The following ZNF728 variants were observed in gnomAD, a reference collection of about 807,000 sequenced individuals.
The protein encoded by ZNF728 is zinc finger protein 728.
A neutral mutation model predicts 12.5 loss-of-function variants in ZNF728; 12 were observed. That is an observed-to-expected ratio of 0.96 (90% CI 0.61 to 1.55). The LOEUF is 1.55. ZNF728 is among the 40% of genes most tolerant of loss of function. The pLI, the probability that ZNF728 is intolerant of heterozygous loss-of-function variation, is 0.00. For missense variants in ZNF728, 692 were observed against 719.2 expected (o/e 0.96, Z 0.43); for synonymous variants, 205 against 240.7 (o/e 0.85, Z 1.37).
At chr19:22,986,455 T>C (rs916806697) in intron 3 of ZNF728, among the ~76,000 whole-genome samples, 3 of 152,140 alleles carry the variant, frequency 2.0e-5, no homozygotes, top group African/African-American at 7.2e-5. Flanking sequence ...TATGATTCCA[T>C]ACACTTAAAC....
chr19:22,989,048 T>C (rs1206282163), intron 1 of ZNF728, among the ~76,000 whole-genome samples: 1 of 73,844 alleles, frequency 1.4e-5, no homozygotes, highest in Non-Finnish European at 2.2e-5. Context: ...CGAAACTCCA[T>C]CTCAAAAAAA....
intron 1 of ZNF728, among the ~76,000 whole-genome samples, chr19:22,989,289 T>C (rs776826222): frequency 3.2e-4 from 48 of 152,100 alleles, no homozygotes; most frequent in African/African-American, 1.1e-3. Context: ...AGTATGCCAA[T>C]GGTTTTGGCC....
rs1405038365 is a variant in ZNF728, at chr19:22,976,809, T to C, written c.528A>G (p.Lys176=). Residue 176 remains lysine, a synonymous_variant, in exon 4 of 4, where the codon AAA becomes AAG. Coordinates refer to ENST00000594710, the MANE Select transcript of ZNF728 (RefSeq NM_001267716.2). The stretch of plus-strand genomic sequence containing the variant: ...GCATGCAAAATGATCTGACATATTC[T>C]TTACATTTCAAAAGTTTCTTTCCAG... The part of the protein sequence containing the change: ...RHTGKKLLKC[K]EYVRSFCMLS... 2 of 1,613,476 alleles carry C rather than the reference T, an allele frequency of 1.2e-6. No individual in the cohort carries two copies. The highest frequency in any genetic ancestry group is 1.7e-6 in the Non-Finnish European group (2 of 1,179,792).
chr19:22,980,534 A>G (rs2145335354), intron 3 of ZNF728, among the ~76,000 whole-genome samples: 1 of 152,308 alleles, frequency 6.6e-6, no homozygotes, highest in African/African-American at 2.4e-5. Flanking sequence ...AGCAGACCTA[A>G]CAGACATCTA....
At chr19:22,979,239 C>T (rs1366845368) in intron 3 of ZNF728, among the ~76,000 whole-genome samples, 4 of 151,634 alleles carry the variant, frequency 2.6e-5, no homozygotes, top group South Asian at 2.1e-4. Context: ...ATAGCTGAAT[C>T]GATAAAGTGG....
At chr19:22,979,911 A>G (rs1968843987) in intron 3 of ZNF728, among the ~76,000 whole-genome samples, 1 of 152,162 alleles carries the variant, frequency 6.6e-6, no homozygotes, top group South Asian at 2.1e-4. Context: ...AAACATACCA[A>G]ATTGTAAAGA....
At position 22,976,804 on chromosome 19, in the gene ZNF728, T is replaced by C; in HGVS notation, c.533A>G (p.Tyr178Cys). 6.2e-7 allele frequency: 1 copy of C among 1,613,484 alleles called. No individual in the cohort carries two copies. Among genetic ancestry groups the C allele is most frequent in the Non-Finnish European group, 8.5e-7 (1 of 1,179,820 alleles). The change falls in exon 4 of 4, where the codon TAT becomes TGT. Residue 178 changes from tyrosine to cysteine, a missense_variant. Physicochemically the swap from Tyr to Cys is radical, Grantham distance 194. Transcript: ENST00000594710. ...TGAAAGCATGCAAAATGATCTGACA[T>C]ATTCTTTACATTTCAAAAGTTTCTT... ...TGKKLLKCKE[Y>C]VRSFCMLSHL...
At position 22,976,883 on chromosome 19, in the gene ZNF728, T is replaced by C; in HGVS notation, c.454A>G (p.Asn152Asp). 3 of 1,613,480 alleles carry C rather than the reference T, an allele frequency of 1.9e-6. No homozygotes were observed. Among genetic ancestry groups the C allele is most frequent in the Non-Finnish European group, 2.5e-6 (3 of 1,179,722 alleles). Residue 152 changes from asparagine (N) to aspartate (D), a missense_variant, in exon 4 of 4, where the codon AAC becomes GAC. Asn to Asp is a conservative substitution (Grantham distance 23, BLOSUM62 1). This residue lies in a region of ZNF728 where 440 missense variants were observed against 459.6 expected (regional missense o/e 0.96). Transcript: ENST00000594710. Reference protein sequence around the residue: ...SKVFQCGKYANIFHKCSNSKR... With the variant: ...SKVFQCGKYADIFHKCSNSKR... ...GAATTTGAACATTTATGAAAGATGTTTGCATATTTGCCACATTGAAATACT... is the reference window on the plus strand; with the variant it reads ...GAATTTGAACATTTATGAAAGATGTCTGCATATTTGCCACATTGAAATACT...
In ZNF728 at chr19:22,975,458, GC is replaced by G; in HGVS notation, c.*9del. ...GGGTTAAGAACTAATTGAAAGCTTT[GC>G]CACATTTTTCACATTTGTAGGGTTT... On this transcript the variant is annotated 3_prime_UTR_variant, in exon 4 of 4. Coordinates refer to ENST00000594710, the MANE Select transcript of ZNF728 (RefSeq NM_001267716.2). 1 of 1,532,540 alleles carries G rather than the reference GC, an allele frequency of 6.5e-7. No homozygotes were observed. 94.9% of individuals were successfully genotyped at this position (1,532,540 alleles called of 1,614,324 possible). A position where few individuals can be genotyped will look rare whatever the true frequency, so the allele number is the denominator to read the frequency against.
chr19:22,992,643 A>AT (rs1380740038), intron 1 of ZNF728, among the ~76,000 whole-genome samples: 3 of 151,968 alleles, frequency 2.0e-5, no homozygotes, highest in Non-Finnish European at 4.4e-5. Flanking sequence ...AGACCTCCTG[A>AT]TTTTTTACCC....
At chr19:22,979,208 G>A (rs184320245) in intron 3 of ZNF728, among the ~76,000 whole-genome samples, 2 of 152,236 alleles carry the variant, frequency 1.3e-5, no homozygotes, top group Admixed American at 6.5e-5. Flanking sequence ...TGAGAACTTC[G>A]TGATACATGC....
rs143835346 is a variant in ZNF728 at position 22,992,280 on chromosome 19, T to C, written c.4-3829A>G. ...TTTTTTGAGACTGAGTCTCACTTTG[T>C]TGCCCAGGCTGGAGTGCAATGGTGT... On this transcript the variant is annotated intron_variant, in intron 1 of 3. Coordinates refer to ENST00000594710, the MANE Select transcript of ZNF728 (RefSeq NM_001267716.2). 4.8e-3 allele frequency among the ~76,000 whole-genome samples: 738 copies of C among 152,296 alleles called. 4 individuals are homozygous for C. Among genetic ancestry groups the C allele is most frequent in the African/African-American group, 0.017 (708 of 41,556 alleles).
intron 3 of ZNF728, chr19:22,985,579 T>C (rs2145340161): frequency 6.6e-6 from 1 of 152,302 alleles, no homozygotes; most frequent in South Asian, 2.1e-4. Flanking sequence ...GGTGGCAAAC[T>C]ACAGGACCCC....
Position 22,975,643 on chromosome 19 carries a change from T to G in ZNF728, c.1694A>C (p.Lys565Thr). 1 of 1,611,938 alleles carries G rather than the reference T, an allele frequency of 6.2e-7. No homozygotes were observed. The highest frequency in any genetic ancestry group is 8.5e-7 in the Non-Finnish European group (1 of 1,179,830). ...AAAGGCTTTGCCACATTCTTCACAT[T>G]TGTAGGGTTTCTCTCCAGTATGAAT... is the stretch of plus-strand genomic sequence containing the variant. ...KRIHTGEKPY[K>T]CEECGKAFSW... The change falls in exon 4 of 4, where the codon AAA becomes ACA. Residue 565 changes from lysine (K) to threonine (T), a missense_variant. Lys to Thr is a moderately conservative substitution (Grantham distance 78). Around this residue, in one of 3 missense-constraint regions of ZNF728, gnomAD observed 244 missense variants for 235.2 expected, o/e 1.04. Transcript: ENST00000594710.
At position 22,975,454 on chromosome 19, in the gene ZNF728, CT is replaced by C; in HGVS notation, c.*13del. ...GTAAGGGTTAAGAACTAATTGAAAGCTTTGCCACATTTTTCACATTTGTAGG... is the reference window on the plus strand; with the variant it reads ...GTAAGGGTTAAGAACTAATTGAAAGCTTGCCACATTTTTCACATTTGTAGG... On this transcript the variant is annotated 3_prime_UTR_variant, in exon 4 of 4. Coordinates refer to ENST00000594710, the MANE Select transcript of ZNF728 (RefSeq NM_001267716.2). 1 of 1,530,420 alleles carries C rather than the reference CT, an allele frequency of 6.5e-7. No homozygotes were observed. The highest frequency in any genetic ancestry group is 8.8e-7 in the Non-Finnish European group (1 of 1,141,888). 94.8% of individuals were successfully genotyped at this position (1,530,420 alleles called of 1,614,324 possible).
chr19:22,995,927 G>A (rs1969045484), intron 1 of ZNF728: 1 of 152,066 alleles, frequency 6.6e-6, no homozygotes, highest in African/African-American at 2.4e-5. Context: ...AGCTATTATG[G>A]TTTTTGGGTA....
chr19:23,002,080 C>T (rs1193963388), intron 1 of ZNF728, among the ~76,000 whole-genome samples: 3 of 152,184 alleles, frequency 2.0e-5, no homozygotes, highest in African/African-American at 7.2e-5. Context: ...CTTTGGGAGG[C>T]CGAGGCAGGT....
chr19:22,977,557 A>G (rs1968820025), intron 3 of ZNF728, among the ~76,000 whole-genome samples: 1 of 152,182 alleles, frequency 6.6e-6, no homozygotes, highest in Non-Finnish European at 1.5e-5. Context: ...GCTGAAAGAT[A>G]TGGTGGTATA....
intron 1 of ZNF728, among the ~76,000 whole-genome samples, chr19:22,989,151 G>A (rs1968955879): frequency 6.6e-6 from 1 of 150,982 alleles, no homozygotes; most frequent in Non-Finnish European, 1.5e-5. Context: ...GACATGTTGA[G>A]TTAGAAGGTA....
Sources: gnomAD v4.1 joint callset for allele counts (sites outside exome capture counted in the v4.1 genomes callset) on GRCh38, gnomAD v4.1.1 for gene constraint, gnomAD v4.1.1 regional missense constraint, MANE v1.5 for transcripts, NCBI Gene and HGNC (gene_info 2026-07-23, HGNC 2026-07-21) for gene names.